The following SH3TC1 variants were observed in gnomAD, a reference collection of about 807,000 sequenced individuals.
SH3TC1 encodes SH3 domain and tetratricopeptide repeat-containing protein 1.
A neutral mutation model predicts 117.3 loss-of-function variants in SH3TC1; 135 were observed. The observed-to-expected ratio is 1.15, with a 90% CI of 1.00 to 1.33. SH3TC1 has a LOEUF of 1.33. Ranked by LOEUF, SH3TC1 falls within the 40% of genes most tolerant of loss-of-function variation. The probability of loss-of-function intolerance (pLI) is 0.00; values close to 1 mark genes in which losing one functional copy is unlikely to be tolerated. For synonymous variants in SH3TC1, 898 were observed against 816.9 expected (o/e 1.10, Z -1.69); for missense variants, 2,092 against 1,794.3 (o/e 1.17, Z -3.00).
At chr4:8,234,494 C>CCAT (rs1578748286) in intron 14 of SH3TC1, among the ~76,000 whole-genome samples, 1 of 29,726 alleles carries the variant, frequency 3.4e-5, no homozygotes, top group Non-Finnish European at 8.1e-5. Flanking sequence ...CATCCATCCA[C>CCAT]CCATCCATCC....
chr4:8,221,952 T>A (rs77445666), intron 9 of SH3TC1, among the ~76,000 whole-genome samples: 3,266 of 152,326 alleles, frequency 0.021, 96 homozygotes, highest in African/African-American at 0.064. Context: ...TAAGTTTTTT[T>A]AAAATCTGAA....
chr4:8,184,989 TG>T (rs746719235), intron 1 of SH3TC1, among the ~76,000 whole-genome samples: 5 of 152,014 alleles, frequency 3.3e-5, no homozygotes, highest in Non-Finnish European at 7.4e-5. Context: ...ACATTCATCC[TG>T]GGAGTCCCCT....
At chr4:8,191,642 C>T (rs1393361506) in intron 1 of SH3TC1, among the ~76,000 whole-genome samples, 3 of 152,200 alleles carry the variant, frequency 2.0e-5, no homozygotes, top group Non-Finnish European at 2.9e-5. Context: ...TCCAGGCTAG[C>T]GGCTTATCAT....
At position 8,209,668 on chromosome 4, in the gene SH3TC1, G is replaced by C. The variant is rs747270443; in HGVS notation, c.173-80G>C. The C allele has an allele frequency of 1.3e-6, 2 of 1,588,812 alleles. No homozygotes were observed. Among genetic ancestry groups the C allele is most frequent in the African/African-American group, 1.3e-5 (1 of 74,616 alleles). On this transcript the variant is annotated intron_variant, in intron 2 of 17. Coordinates refer to ENST00000245105, the MANE Select transcript of SH3TC1 (RefSeq NM_018986.5). The surrounding 1 kb of genome is among the most constrained non-coding windows in gnomAD (Gnocchi z 5.9). The stretch of plus-strand genomic sequence containing the variant: ...GAACTCACCTCTTTTCTTGCAGAGA[G>C]ACCTGGAGCGTTTGGCGCCTTCAGA...
intron 1 of SH3TC1, among the ~76,000 whole-genome samples, chr4:8,200,186 CA>C (rs1163189313): frequency 2.0e-5 from 3 of 152,208 alleles, no homozygotes; most frequent in Non-Finnish European, 4.4e-5. Context: ...GTGCCAGGGC[CA>C]GGGGCAGCCT....
chr4:8,220,032 G>A (rs1329645463), intron 9 of SH3TC1, among the ~76,000 whole-genome samples: 4 of 152,108 alleles, frequency 2.6e-5, no homozygotes, highest in African/African-American at 9.7e-5. Context: ...TGTGTCTTCC[G>A]TATTCTCTTC....
chr4:8,240,565 G>C (rs573240684), intron 17 of SH3TC1, 133 bp from the exon 18 acceptor site: 14 of 1,408,494 alleles, frequency 9.9e-6, no homozygotes, highest in Admixed American at 1.9e-5. Flanking sequence ...GCCCACAGCA[G>C]TGTCACAGGC....
At position 8,214,371 on chromosome 4, in the gene SH3TC1, C is replaced by T. The variant is rs536188001; in HGVS notation, c.376-104C>T. 1.6e-4 allele frequency: 165 copies of T among 1,054,148 alleles called. No individual in the cohort carries two copies. In the African/African-American group the frequency reaches 1.9e-3, roughly 12 times the overall value. 65.3% of individuals were successfully genotyped at this position (1,054,148 alleles called of 1,614,324 possible). A position where few individuals can be genotyped will look rare whatever the true frequency, so the allele number is the denominator to read the frequency against. ...CTGCCCTGGGTGTGTCGTCCCCCGC[C>T]GGGGCCACATCTGCAAGATGTCTCT... On this transcript the variant is annotated intron_variant, in intron 4 of 17. Transcript: ENST00000245105.
chr4:8,236,632 A>G, intron 16 of SH3TC1: 2 of 551,298 alleles, frequency 3.6e-6, no homozygotes, highest in Non-Finnish European at 5.8e-6. Flanking sequence ...TGCCTGGCTG[A>G]GCTCTGCTTC....
Position 8,205,653 on chromosome 4 carries a change from T to C in SH3TC1, c.172+287T>C, listed in dbSNP as rs756001883. 5 of 763,836 alleles carry C rather than the reference T, an allele frequency of 6.5e-6. No homozygotes were observed. Among genetic ancestry groups the C allele is most frequent in the African/African-American group, 5.1e-5 (3 of 59,080 alleles). 47.3% of individuals were successfully genotyped at this position (763,836 alleles called of 1,614,324 possible). On this transcript the variant is annotated intron_variant, in intron 2 of 17. Transcript: ENST00000245105. This position sits in a 1 kb window ranked among gnomAD's most constrained non-coding sequence, Gnocchi z 5.4. Reference sequence around the variant, plus strand: ...CGAGGCAGGGGCCTTTGAACCCCCATGTTCAGAGACCGTTCCAGAAACAGT... The same window carrying C: ...CGAGGCAGGGGCCTTTGAACCCCCACGTTCAGAGACCGTTCCAGAAACAGT...
In SH3TC1 at chr4:8,228,451, C is replaced by T. The variant is rs1029431577; in HGVS notation, c.2757C>T (p.Ser919=). ...FGALCLHAGA[S]RLAQHYLLEA... ...CCCTGTGCCTGCATGCGGGTGCCAG[C>T]AGGCTGGCCCAGCACTACCTCCTGG... The change falls in exon 12 of 18, where the codon AGC becomes AGT. Residue 919 remains serine (S), a synonymous_variant. Transcript: ENST00000245105. 3.1e-6 allele frequency: 5 copies of T among 1,604,242 alleles called. No individual in the cohort carries two copies. Among genetic ancestry groups the T allele is most frequent in the Non-Finnish European group, 3.4e-6 (4 of 1,175,424 alleles).
chr4:8,219,315 C>T lies in SH3TC1; in HGVS notation c.917-20C>T. ...CCCATTTGGTCTCCCTGGCACTCAC[C>T]ATGTGGCTTTCTTCCGCAGCTGTGG... On this transcript the variant is annotated intron_variant, in intron 8 of 17. Coordinates refer to ENST00000245105, the MANE Select transcript of SH3TC1 (RefSeq NM_018986.5). 6.4e-7 allele frequency: 1 copy of T among 1,563,684 alleles called. No homozygotes were observed. The highest frequency in any genetic ancestry group is 8.7e-7 in the Non-Finnish European group (1 of 1,149,350).
chr4:8,183,245 C>A lies in SH3TC1; in HGVS notation c.-57+1035C>A, dbSNP rs886083889. On this transcript the variant is annotated intron_variant, in intron 1 of 16. Coordinates refer to the SH3TC1 transcript ENST00000508641. This position sits in a 1 kb window ranked among gnomAD's most constrained non-coding sequence, Gnocchi z 5.4. ...GAAGGAGCCCGTCCTCATCCTCCCCCTCGTTTACAGAGGAAGGCCGGCGCT... is the reference window on the plus strand; with the variant it reads ...GAAGGAGCCCGTCCTCATCCTCCCCATCGTTTACAGAGGAAGGCCGGCGCT... 1.3e-5 allele frequency among the ~76,000 whole-genome samples: 2 copies of A among 152,228 alleles called. No homozygotes were observed. Among genetic ancestry groups the A allele is most frequent in the African/African-American group, 4.8e-5 (2 of 41,456 alleles).
chr4:8,192,464 T>A lies in SH3TC1; in HGVS notation c.-57+10254T>A, dbSNP rs1717446851. On this transcript the variant is annotated intron_variant, in intron 1 of 16. Coordinates refer to the SH3TC1 transcript ENST00000508641. The surrounding 1 kb of genome is among the most constrained non-coding windows in gnomAD (Gnocchi z 4.1). Reference sequence around the variant, plus strand: ...CCACTTGTCTTTATTTTATTTTATTTTATTTTATTTTATTTTATTTTATTT... The same window carrying A: ...CCACTTGTCTTTATTTTATTTTATTATATTTTATTTTATTTTATTTTATTT... 2.1e-5 allele frequency among the ~76,000 whole-genome samples: 3 copies of A among 142,988 alleles called. No individual in the cohort carries two copies. The highest frequency in any genetic ancestry group is 4.2e-4 in the South Asian group (2 of 4,754). 93.8% of individuals were successfully genotyped at this position (142,988 alleles called of 152,430 possible).
chr4:8,216,839 TGG>T, intron 6 of SH3TC1, 116 bp from the exon 7 acceptor site: 2 of 1,035,968 alleles, frequency 1.9e-6, no homozygotes, highest in Non-Finnish European at 3.0e-6. Context: ...CTGCAGACAC[TGG>T]GGGGGCCGCT....
chr4:8,227,553 G>T lies in SH3TC1; in HGVS notation c.1859G>T (p.Cys620Phe). 6.5e-7 allele frequency: 1 copy of T among 1,526,784 alleles called. No homozygotes were observed. Among genetic ancestry groups the T allele is most frequent in the Non-Finnish European group, 8.8e-7 (1 of 1,140,496 alleles). 94.6% of individuals were successfully genotyped at this position (1,526,784 alleles called of 1,614,324 possible). The change falls in exon 12 of 18, where the codon TGT (cysteine) becomes TTT (phenylalanine). Residue 620 changes from cysteine (C) to phenylalanine (F), a missense_variant. Physicochemically the swap from Cys to Phe is radical, Grantham distance 205. Transcript: ENST00000245105. ...CGGAAGCAGAAGAACCGGGAGAAGT[G>T]TGCACAGGTGGTGCCCAAAGCCATG... is the stretch of plus-strand genomic sequence containing the variant. The part of the protein sequence containing the change: ...IYRKQKNREK[C>F]AQVVPKAMAL...
At chr4:8,221,941 C>CT (rs1259475143) in intron 9 of SH3TC1, among the ~76,000 whole-genome samples, 2 of 125,896 alleles carry the variant, frequency 1.6e-5, no homozygotes, top group Non-Finnish European at 4.0e-5. Context: ...GTAAGCTACT[C>CT]TAAGTTTTTT....
chr4:8,210,746 GAAAAAAAAAAAAAA>G lies in SH3TC1; in HGVS notation c.247+939_247+952del, dbSNP rs56288444. ...TTGCACTCCAGCCTGGGCAACTTCT[GAAAAAAAAAAAAAA>G]AAAAAAAAAAAAAAGGCCGTCACAG... is the stretch of plus-strand genomic sequence containing the variant. On this transcript the variant is annotated intron_variant, in intron 3 of 17. Coordinates refer to ENST00000245105, the MANE Select transcript of SH3TC1 (RefSeq NM_018986.5). The surrounding 1 kb of genome is among the most constrained non-coding windows in gnomAD (Gnocchi z 4.1). Among the ~76,000 whole-genome samples, 1 of 39,796 alleles carries G rather than the reference GAAAAAAAAAAAAAA, an allele frequency of 2.5e-5. No individual in the cohort carries two copies. 26.1% of individuals were successfully genotyped at this position (39,796 alleles called of 152,430 possible).
In SH3TC1 at chr4:8,237,174, C is replaced by T. The variant is rs140017031; in HGVS notation, c.3557-300C>T. 348 of 354,060 alleles carry T rather than the reference C, an allele frequency of 9.8e-4. 1 individual carries two copies. Among genetic ancestry groups the T allele is most frequent in the African/African-American group, 3.9e-3 (187 of 47,620 alleles). 21.9% of individuals were successfully genotyped at this position (354,060 alleles called of 1,614,324 possible). ...CCTGGAGCCCTGGTGCCCAGGAGCG[C>T]GTGGGCTGCATGCCTTTTGGGCTCT... On this transcript the variant is annotated intron_variant, in intron 16 of 17. Coordinates refer to ENST00000245105, the MANE Select transcript of SH3TC1 (RefSeq NM_018986.5).
Sources: gnomAD v4.1 joint callset for allele counts (sites outside exome capture counted in the v4.1 genomes callset) on GRCh38, gnomAD v4.1.1 for gene constraint, Gnocchi (gnomAD v3.1) non-coding constraint, MANE v1.5 for transcripts, NCBI Gene and HGNC (gene_info 2026-07-23, HGNC 2026-07-21) for gene names.